The following FRMD4A variants were observed in gnomAD, a reference collection of about 807,000 sequenced individuals.
The protein encoded by FRMD4A is FERM domain-containing protein 4A.
Under a neutral mutation model 129.1 loss-of-function variants are expected in FRMD4A, and 29 were observed. The ratio of observed to expected loss-of-function variants is 0.22; its 90% CI spans 0.17 to 0.31. FRMD4A has a LOEUF of 0.31. Ranked by LOEUF, FRMD4A falls within the 10% of genes least tolerant of loss-of-function variation. FRMD4A has a pLI of 1.00. For synonymous variants in FRMD4A, 634 were observed against 571.6 expected, an observed-to-expected ratio of 1.11 and a Z score of -1.56; for missense variants, 1,272 against 1,375.8, an observed-to-expected ratio of 0.92 and a Z score of 1.19.
intron 4 of FRMD4A, among the ~76,000 whole-genome samples, chr10:13,798,533 G>A (rs1001939879): frequency 2.6e-5 from 4 of 152,134 alleles, no homozygotes; most frequent in African/African-American, 9.7e-5. Flanking sequence ...TGGCTAACAC[G>A]GTGAAACCCT....
chr10:13,798,343 T>C (rs1564821084), intron 4 of FRMD4A, among the ~76,000 whole-genome samples: 2 of 151,826 alleles, frequency 1.3e-5, no homozygotes, highest in East Asian at 1.9e-4. Flanking sequence ...ACCCGGGAGA[T>C]GGAGGTTGCA....
chr10:14,144,217 T>C (rs576132703), intron 2 of FRMD4A, among the ~76,000 whole-genome samples: 2 of 152,226 alleles, frequency 1.3e-5, no homozygotes, highest in East Asian at 3.9e-4. Flanking sequence ...GACAGGAGGT[T>C]GTGTTAAAAT....
At chr10:14,058,215 G>A (rs1834633850) in intron 2 of FRMD4A, among the ~76,000 whole-genome samples, 1 of 152,112 alleles carries the variant, frequency 6.6e-6, no homozygotes, top group Non-Finnish European at 1.5e-5. Context: ...GAGGGGATTT[G>A]GGCTATCTTT....
chr10:13,857,388 T>C (rs1405075982), intron 3 of FRMD4A, among the ~76,000 whole-genome samples: 1 of 152,178 alleles, frequency 6.6e-6, no homozygotes, highest in African/African-American at 2.4e-5. Context: ...ATTATACATG[T>C]ACTATGATTA....
intron 19 of FRMD4A, 66 bp downstream of exon 19, chr10:13,663,387 T>C: frequency 2.2e-6 from 2 of 897,230 alleles, no homozygotes; most frequent in Non-Finnish European, 3.8e-6. Context: ...ATCCCCAGAC[T>C]ACATAGAAAT....
intron 4 of FRMD4A, among the ~76,000 whole-genome samples, chr10:13,806,153 T>G (rs1053162762): frequency 1.3e-5 from 2 of 152,044 alleles, no homozygotes; most frequent in African/African-American, 4.8e-5. Context: ...CACAATTTTT[T>G]TTTTTTTGTT....
chr10:13,696,291 G>A (rs1222509325), intron 14 of FRMD4A, among the ~76,000 whole-genome samples: 4 of 152,212 alleles, frequency 2.6e-5, no homozygotes, highest in African/African-American at 7.2e-5. Flanking sequence ...AGCATGGCGA[G>A]TACAACCCAT....
At chr10:13,892,358 G>T (rs142713578) in intron 2 of FRMD4A, among the ~76,000 whole-genome samples, 1 of 152,270 alleles carries the variant, frequency 6.6e-6, no homozygotes, top group Admixed American at 6.5e-5. Context: ...GGAAGTTGCT[G>T]CAGGATAACC....
intron 3 of FRMD4A, among the ~76,000 whole-genome samples, chr10:13,841,592 C>A (rs1470917985): frequency 2.0e-5 from 3 of 152,198 alleles, no homozygotes; most frequent in Non-Finnish European, 2.9e-5. Flanking sequence ...CTCAGTGGAG[C>A]CTTCCCGTTG....
chr10:14,183,237 G>A (rs1015924878), intron 2 of FRMD4A, among the ~76,000 whole-genome samples: 9 of 152,200 alleles, frequency 5.9e-5, no homozygotes, highest in Non-Finnish European at 1.3e-4. Flanking sequence ...TGTCATGCAC[G>A]AATGAAATAA....
intron 2 of FRMD4A, among the ~76,000 whole-genome samples, chr10:14,093,328 C>T (rs1481740468): frequency 6.6e-6 from 1 of 152,048 alleles, no homozygotes; most frequent in Non-Finnish European, 1.5e-5. Flanking sequence ...TTAATAAATT[C>T]GAAATTTTAG....
At chr10:14,239,653 A>AAAC (rs201057421) in intron 2 of FRMD4A, among the ~76,000 whole-genome samples, 35 of 104,218 alleles carry the variant, frequency 3.4e-4, no homozygotes, top group East Asian at 1.1e-3. Context: ...ACAAACAAAC[A>AAAC]AAAAAAAACT....
intron 2 of FRMD4A, among the ~76,000 whole-genome samples, chr10:13,976,935 G>A (rs1423986992): frequency 6.6e-6 from 1 of 152,168 alleles, no homozygotes; most frequent in East Asian, 1.9e-4. Flanking sequence ...TTACTGATCT[G>A]ATCTCAAGGT....
rs1160340379 is a variant in FRMD4A, at chr10:14,190,098, AC to A, written c.45+139959del. 2.0e-5 allele frequency among the ~76,000 whole-genome samples: 3 copies of A among 152,308 alleles called. No individual in the cohort carries two copies. The East Asian group carries it at 5.8e-4, about 29-fold the overall frequency. ...CTTGTCTAAATGTCTCATAGACACTACCCTTTGACTAAGAAAACGGTTTTGG... is the reference window on the plus strand; with the variant it reads ...CTTGTCTAAATGTCTCATAGACACTACCTTTGACTAAGAAAACGGTTTTGG... On this transcript the variant is annotated intron_variant, in intron 2 of 24. Transcript: ENST00000357447.
At chr10:13,800,620 CAT>C (rs1419336582) in intron 4 of FRMD4A, among the ~76,000 whole-genome samples, 2 of 152,210 alleles carry the variant, frequency 1.3e-5, no homozygotes, top group African/African-American at 4.8e-5. Flanking sequence ...ACTCCACTGG[CAT>C]ATGAGTGACC....
At chr10:14,316,179 A>C (rs999557065) in intron 2 of FRMD4A, among the ~76,000 whole-genome samples, 2 of 152,212 alleles carry the variant, frequency 1.3e-5, no homozygotes, top group Non-Finnish European at 2.9e-5. Flanking sequence ...TGAGGATCCC[A>C]GGTGTTGTGG....
intron 2 of FRMD4A, among the ~76,000 whole-genome samples, chr10:14,045,550 A>C (rs1349451972): frequency 6.6e-6 from 1 of 151,126 alleles, no homozygotes; most frequent in African/African-American, 2.4e-5. Flanking sequence ...ATTGAATAAT[A>C]TGTATGTGAA....
chr10:14,255,430 A>G (rs1256729526), intron 2 of FRMD4A, among the ~76,000 whole-genome samples: 3 of 152,212 alleles, frequency 2.0e-5, no homozygotes, highest in Non-Finnish European at 4.4e-5. Flanking sequence ...AAAATATGGT[A>G]TCAAAAGGGA....
At chr10:14,193,805 TTC>T (rs1420896307) in intron 2 of FRMD4A, among the ~76,000 whole-genome samples, 2 of 152,174 alleles carry the variant, frequency 1.3e-5, no homozygotes, top group Non-Finnish European at 2.9e-5. Context: ...ACTGGCACAC[TTC>T]TTAGTTTGAT....
Sources: gnomAD v4.1 joint callset for allele counts (sites outside exome capture counted in the v4.1 genomes callset) on GRCh38, gnomAD v4.1.1 for gene constraint, MANE v1.5 for transcripts, NCBI Gene and HGNC (gene_info 2026-07-23, HGNC 2026-07-21) for gene names.